Variants in UNC79 observed in about 807,000 individuals in gnomAD.
The protein encoded by UNC79 is unc-79 subunit of NALCN channel complex, also known as protein unc-79 homolog.
In UNC79, 37 loss-of-function variants were observed where a neutral mutation model predicts 283.1. The observed-to-expected ratio is 0.13, with a 90% CI of 0.10 to 0.17. The LOEUF is 0.17. Ranked by LOEUF, UNC79 falls within the 10% of genes least tolerant of loss-of-function variation. The probability of loss-of-function intolerance (pLI) is 1.00; values close to 1 mark genes in which losing one functional copy is unlikely to be tolerated. For missense variants in UNC79, 2,272 were observed against 3,211.1 expected, an observed-to-expected ratio of 0.71 and a Z score of 7.07; for synonymous variants, 1,107 against 1,200.2, an observed-to-expected ratio of 0.92 and a Z score of 1.61.
intron 7 of UNC79, among the ~76,000 whole-genome samples, chr14:93,513,417 CTA>C (rs780120409): frequency 2.0e-5 from 3 of 151,918 alleles, no homozygotes; most frequent in Non-Finnish European, 4.4e-5. Flanking sequence ...ATGGGCCTCC[CTA>C]TGTTGTCCAA....
chr14:93,565,959 A>C (rs2062851361), intron 14 of UNC79, among the ~76,000 whole-genome samples: 1 of 152,186 alleles, frequency 6.6e-6, no homozygotes, highest in Non-Finnish European at 1.5e-5. Flanking sequence ...ACCAAAAGAA[A>C]GGAAGGAGGG....
At chr14:93,487,622 A>C in intron 4 of UNC79, 41 bp from the exon 5 acceptor site, 36 of 1,537,420 alleles carry the variant, frequency 2.3e-5, no homozygotes, top group Non-Finnish European at 2.9e-5. Context: ...AGGTATATGT[A>C]GAGATTAAAT....
At chr14:93,515,133 A>G (rs1479799194) in intron 7 of UNC79, among the ~76,000 whole-genome samples, 3 of 151,854 alleles carry the variant, frequency 2.0e-5, no homozygotes, top group African/African-American at 4.8e-5. Context: ...TGATCCTCCT[A>G]ATTATGTTTT....
At chr14:93,486,675 A>AAG (rs1566986510) in intron 4 of UNC79, among the ~76,000 whole-genome samples, 7 of 148,106 alleles carry the variant, frequency 4.7e-5, no homozygotes, top group Admixed American at 1.3e-4. Context: ...AAAAAAAAAA[A>AAG]AAAGAAAGAA....
intron 35 of UNC79, among the ~76,000 whole-genome samples, chr14:93,653,521 A>C (rs2070547011): frequency 1.3e-5 from 2 of 152,040 alleles, no homozygotes; most frequent in African/African-American, 4.8e-5. Context: ...GGGACCTGGA[A>C]TACGTCTGAG....
Position 93,477,549 on chromosome 14 carries a change from G to C in UNC79, c.449-9G>C. On this transcript the variant is annotated splice_polypyrimidine_tract_variant and intron_variant, in intron 3 of 48. Coordinates refer to ENST00000555664, the Ensembl canonical transcript of UNC79. Reference sequence around the variant, plus strand: ...ATTCAGTGACTGATTACTCAATTTTGTTTTGTAGATCTTGGACAGTCGATA... The same window carrying C: ...ATTCAGTGACTGATTACTCAATTTTCTTTTGTAGATCTTGGACAGTCGATA... The C allele has an allele frequency of 1.3e-6, 2 of 1,565,916 alleles. No homozygotes were observed. Among genetic ancestry groups the C allele is most frequent in the Non-Finnish European group, 1.7e-6 (2 of 1,159,676 alleles).
intron 18 of UNC79, among the ~76,000 whole-genome samples, chr14:93,578,848 C>T (rs542892197): frequency 6.6e-6 from 1 of 152,178 alleles, no homozygotes; most frequent in East Asian, 1.9e-4. Flanking sequence ...GAGAAAAAAG[C>T]CTGGCTTTGA....
chr14:93,589,678 AGAG>A (rs1294087711), intron 22 of UNC79, among the ~76,000 whole-genome samples: 1 of 152,166 alleles, frequency 6.6e-6, no homozygotes, highest in Non-Finnish European at 1.5e-5. Context: ...GAGGCTGCTA[AGAG>A]GAGGCCTGGA....
chr14:93,422,924 G>T (rs2055630206), intron 1 of UNC79, among the ~76,000 whole-genome samples: 1 of 151,750 alleles, frequency 6.6e-6, no homozygotes, highest in African/African-American at 2.4e-5. Context: ...TTAGCCAGGT[G>T]TGATGGTGGG....
intron 1 of UNC79, among the ~76,000 whole-genome samples, chr14:93,350,177 C>G (rs995432932): frequency 5.3e-5 from 8 of 151,872 alleles, no homozygotes; most frequent in Admixed American, 5.2e-4. Context: ...TTTAAGGTTA[C>G]TAAGAATAAG....
chr14:93,546,567 T>C (rs541745122), intron 14 of UNC79, among the ~76,000 whole-genome samples: 4 of 152,368 alleles, frequency 2.6e-5, no homozygotes, highest in Admixed American at 1.3e-4. Flanking sequence ...ATATATTTCA[T>C]GTTTGTTTAC....
At chr14:93,517,900 A>ACTGT (rs1555434765) in intron 7 of UNC79, among the ~76,000 whole-genome samples, 1 of 110,396 alleles carries the variant, frequency 9.1e-6, no homozygotes, top group Non-Finnish European at 2.0e-5. Context: ...TGTATATGTG[A>ACTGT]GTGTGTGTGT....
rs111518770 is a variant in UNC79 at position 93,414,298 on chromosome 14, T to G, written c.-350-53373T>G. Among the ~76,000 whole-genome samples the G allele has an allele frequency of 4.2e-3, 635 of 152,274 alleles. 2 individuals are homozygous for G. Among genetic ancestry groups the G allele is most frequent in the African/African-American group, 0.013 (561 of 41,558 alleles). ...TTAAATAGGGAATCCTTTCCCCATT[T>G]CTTGTTTTTCTCAGGTTTGTCAAAG... On this transcript the variant is annotated intron_variant, in intron 1 of 49. Transcript: ENST00000256339.
chr14:93,574,631 A>C (rs1007579732), intron 16 of UNC79, among the ~76,000 whole-genome samples: 1 of 152,202 alleles, frequency 6.6e-6, no homozygotes, highest in Non-Finnish European at 1.5e-5. Flanking sequence ...AATTAATGAC[A>C]GAGAAAGTGA....
At chr14:93,360,208 G>A (rs1007692962) in intron 1 of UNC79, among the ~76,000 whole-genome samples, 2 of 152,196 alleles carry the variant, frequency 1.3e-5, no homozygotes, top group Non-Finnish European at 2.9e-5. Flanking sequence ...CTGGTAGGAT[G>A]AGGGCTATTA....
chr14:93,349,266 T>TTGTGAGAAA (rs971458535), intron 1 of UNC79, among the ~76,000 whole-genome samples: 1 of 152,188 alleles, frequency 6.6e-6, no homozygotes, highest in African/African-American at 2.4e-5. Context: ...GATATACCAA[T>TTGTGAGAAA]TGTGAGAAAC....
chr14:93,463,604 G>C (rs1294039643), intron 1 of UNC79, among the ~76,000 whole-genome samples: 2 of 152,166 alleles, frequency 1.3e-5, no homozygotes, highest in Admixed American at 6.5e-5. Flanking sequence ...GTGTTTGACA[G>C]GACAAGGAAA....
intron 14 of UNC79, among the ~76,000 whole-genome samples, chr14:93,553,406 A>G (rs1435432200): frequency 6.6e-6 from 1 of 152,218 alleles, no homozygotes; most frequent in Non-Finnish European, 1.5e-5. Flanking sequence ...TAGATCTCCA[A>G]GAGGGTCTTA....
At chr14:93,684,135 A>G (rs1241751029) in intron 42 of UNC79, among the ~76,000 whole-genome samples, 1 of 152,208 alleles carries the variant, frequency 6.6e-6, no homozygotes, top group Non-Finnish European at 1.5e-5. Flanking sequence ...GCTGCTCCGT[A>G]AATCTCTAGG....
Sources: allele counts gnomAD v4.1 joint callset (sites outside exome capture counted in the v4.1 genomes callset), GRCh38; gene constraint gnomAD v4.1.1; transcripts MANE v1.5; gene names NCBI Gene and HGNC (gene_info 2026-07-23, HGNC 2026-07-21).